The following TGFBI variants were observed in gnomAD, a reference collection of about 807,000 sequenced individuals.
TGFBI encodes the protein transforming growth factor-beta-induced protein ig-h3.
A neutral mutation model predicts 73.7 loss-of-function variants in TGFBI; 50 were observed. That is an observed-to-expected ratio of 0.68 (90% CI 0.54 to 0.86). TGFBI has a LOEUF of 0.86. TGFBI is among the 40% of genes least tolerant of loss of function. The probability of loss-of-function intolerance (pLI) is 0.00; values close to 1 mark genes in which losing one functional copy is unlikely to be tolerated. For missense variants in TGFBI, 839 were observed against 877.0 expected (o/e 0.96, Z 0.55); for synonymous variants, 362 against 360.5 (o/e 1.00, Z -0.05).
intron 10 of TGFBI, chr5:136,055,168 C>A: frequency 3.0e-6 from 1 of 333,368 alleles, no homozygotes; most frequent in South Asian, 4.4e-5. Context: ...TCTTTCTGAG[C>A]TTATGAGAAG....
At chr5:136,029,288 G>T in intron 1 of TGFBI, 99 bp downstream of exon 1, 1 of 1,298,408 alleles carries the variant, frequency 7.7e-7, no homozygotes, top group Non-Finnish European at 1.0e-6. Flanking sequence ...GGGCGCAGGG[G>T]ACAAAGCCCG....
chr5:136,054,900 C>A, intron 10 of TGFBI, 39 bp downstream of exon 10: 1 of 1,603,332 alleles, frequency 6.2e-7, no homozygotes, highest in Non-Finnish European at 8.5e-7. Flanking sequence ...TGGGAAGCTC[C>A]TTACTGTGGG....
chr5:136,061,570 G>T lies in TGFBI; in HGVS notation c.1977G>T (p.Ala659=). The T allele has an allele frequency of 6.2e-7, 1 of 1,613,498 alleles. No homozygotes were observed. Among genetic ancestry groups the T allele is most frequent in the Non-Finnish European group, 8.5e-7 (1 of 1,179,700 alleles). The change falls in exon 15 of 17, where the codon GCG becomes GCT. Residue 659 remains alanine, a synonymous_variant. Coordinates refer to ENST00000442011, the MANE Select transcript of TGFBI (RefSeq NM_000358.3). ...SALEIFKQAS[A]FSRASQRSVR... ...TTGAGATCTTCAAACAAGCATCAGC[G>T]TTTTCCAGGGTAAGATGCCTGCTAG... is the stretch of plus-strand genomic sequence containing the variant.
intron 13 of TGFBI, among the ~76,000 whole-genome samples, chr5:136,060,406 T>C (rs1751725320): frequency 6.6e-6 from 1 of 152,212 alleles, no homozygotes; most frequent in Non-Finnish European, 1.5e-5. Flanking sequence ...ACACAGGACT[T>C]GGCATATGAA....
At chr5:136,032,153 C>A (rs2126901572) in intron 1 of TGFBI, among the ~76,000 whole-genome samples, 1 of 152,188 alleles carries the variant, frequency 6.6e-6, no homozygotes, top group South Asian at 2.1e-4. Context: ...CAAACAGAAA[C>A]CAGGTATTCA....
chr5:136,062,786 A>T (rs896672488), intron 16 of TGFBI, 99 bp downstream of exon 16: 12 of 1,314,312 alleles, frequency 9.1e-6, no homozygotes, highest in Non-Finnish European at 1.3e-5. Context: ...TAAGAACATC[A>T]TGGTGCAGTA....
intron 9 of TGFBI, 169 bp from the exon 10 acceptor site, chr5:136,054,547 C>A: frequency 1.0e-6 from 1 of 959,128 alleles, no homozygotes; most frequent in Non-Finnish European, 1.7e-6. Context: ...TTCTTTAATT[C>A]TCCATAGAAG....
intron 15 of TGFBI, 85 bp downstream of exon 15, chr5:136,061,664 C>A: frequency 8.9e-7 from 1 of 1,122,110 alleles, no homozygotes; most frequent in Non-Finnish European, 1.3e-6. Flanking sequence ...CAGCCCCTGT[C>A]TTCCTTGGCT....
intron 2 of TGFBI, among the ~76,000 whole-genome samples, chr5:136,041,114 A>G (rs1176293035): frequency 6.6e-6 from 1 of 152,262 alleles, no homozygotes; most frequent in Non-Finnish European, 1.5e-5. Context: ...GTGGACTGCC[A>G]GCTTTGACAC....
Position 136,052,990 on chromosome 5 carries a change from A to G in TGFBI, c.997A>G (p.Thr333Ala). The change falls in exon 8 of 17, where the codon ACG becomes GCG. Residue 333 changes from threonine to alanine, a missense_variant. Coordinates refer to ENST00000442011, the MANE Select transcript of TGFBI (RefSeq NM_000358.3). ...GCTGTCTGTAGAGACCCTGGAGGGC[A>G]CGACACTGGAGGTGGGCTGCAGCGG... ...AGLSVETLEG[T>A]TLEVGCSGDM... is the part of the protein sequence containing the mutation. 6.2e-7 allele frequency: 1 copy of G among 1,614,038 alleles called. No individual in the cohort carries two copies. Among genetic ancestry groups the G allele is most frequent in the Non-Finnish European group, 8.5e-7 (1 of 1,179,882 alleles).
At position 136,060,399 on chromosome 5, in the gene TGFBI, C is replaced by T. The variant is rs1049488818; in HGVS notation, c.1804-435C>T. 2.6e-5 allele frequency among the ~76,000 whole-genome samples: 4 copies of T among 152,344 alleles called. No homozygotes were observed. The East Asian group carries it at 5.8e-4, about 22-fold the overall frequency. On this transcript the variant is annotated intron_variant, in intron 13 of 16. Coordinates refer to ENST00000442011, the MANE Select transcript of TGFBI (RefSeq NM_000358.3). ...TCACCAGAGTATCCCCAGTCTAACACAGGACTTGGCATATGAAAAGTGTTC... is the reference window on the plus strand; with the variant it reads ...TCACCAGAGTATCCCCAGTCTAACATAGGACTTGGCATATGAAAAGTGTTC...
At chr5:136,055,185 C>T in intron 10 of TGFBI, 1 of 294,126 alleles carries the variant, frequency 3.4e-6, no homozygotes, top group South Asian at 5.6e-5. Flanking sequence ...GAAGAGAAGC[C>T]CCCTAAACTA....
chr5:136,047,552 T>TGAGTGTGAG, intron 6 of TGFBI, 132 bp downstream of exon 6: 1 of 1,076,998 alleles, frequency 9.3e-7, no homozygotes, highest in Non-Finnish European at 1.4e-6. Flanking sequence ...TTCCCCTGAA[T>TGAGTGTGAG]GCCCTTGAAC....
intron 2 of TGFBI, among the ~76,000 whole-genome samples, chr5:136,041,029 AGCTGCTCTCT>A (rs1751327969): frequency 6.6e-6 from 1 of 152,212 alleles, no homozygotes; most frequent in African/African-American, 2.4e-5. Flanking sequence ...TTCGATTCAC[AGCTGCTCTCT>A]GCTGCTCTGG....
intron 12 of TGFBI, among the ~76,000 whole-genome samples, chr5:136,057,046 T>A (rs7727725): frequency 0.38 from 57,851 of 151,984 alleles, 12,792 homozygotes; most frequent in African/African-American, 0.62. Context: ...AGGGAGGTCA[T>A]GAGCCTTGGA....
chr5:136,028,999 G>C lies in TGFBI; in HGVS notation c.-57G>C, dbSNP rs1361276626. 2 of 1,503,882 alleles carry C rather than the reference G, an allele frequency of 1.3e-6. No individual in the cohort carries two copies. Among genetic ancestry groups the C allele is most frequent in the African/African-American group, 1.4e-5 (1 of 69,038 alleles). 93.2% of individuals were successfully genotyped at this position (1,503,882 alleles called of 1,614,324 possible). On this transcript the variant is annotated 5_prime_UTR_variant, in exon 1 of 17. Coordinates refer to ENST00000442011, the MANE Select transcript of TGFBI (RefSeq NM_000358.3). ...GCGGCGGAGGCGCTCTCACTTCCCT[G>C]GAGCCGCCCGCTTGCCCGTCGGTCG...
At chr5:136,035,049 G>T (rs1023811123) in intron 2 of TGFBI, among the ~76,000 whole-genome samples, 2 of 152,152 alleles carry the variant, frequency 1.3e-5, no homozygotes, top group African/African-American at 4.8e-5. Flanking sequence ...ATTATGTTAG[G>T]CAATTAGCAA....
intron 2 of TGFBI, among the ~76,000 whole-genome samples, chr5:136,041,697 AG>A (rs1751342375): frequency 6.6e-6 from 1 of 152,150 alleles, no homozygotes; most frequent in African/African-American, 2.4e-5. Flanking sequence ...TTTTCTGCTT[AG>A]ATCTATCCCT....
intron 12 of TGFBI, 74 bp from the exon 13 acceptor site, chr5:136,059,013 TCTC>T (rs1751698898): frequency 7.8e-6 from 12 of 1,532,972 alleles, no homozygotes; most frequent in Non-Finnish European, 9.7e-6. Context: ...ACTTACATCT[TCTC>T]CTCTGGGCCC....
Sources: gnomAD v4.1 joint callset for allele counts (sites outside exome capture counted in the v4.1 genomes callset) on GRCh38, gnomAD v4.1.1 for gene constraint, MANE v1.5 for transcripts, NCBI Gene and HGNC (gene_info 2026-07-23, HGNC 2026-07-21) for gene names.